WFDC1: variants seen among roughly 807,000 people sequenced by gnomAD.
WFDC1 encodes WAP four-disulfide core domain protein 1.
WFDC1 carries 39 observed loss-of-function variants against 32.9 expected under a neutral mutation model. The observed-to-expected ratio is 1.19, with a 90% CI of 0.92 to 1.55. WFDC1 has a LOEUF of 1.55. Ranked by LOEUF, WFDC1 falls within the 40% of genes most tolerant of loss-of-function variation. The pLI is 0.00. For synonymous variants in WFDC1, 184 were observed against 137.4 expected, an observed-to-expected ratio of 1.34 and a Z score of -2.37; for missense variants, 386 against 309.5, an observed-to-expected ratio of 1.25 and a Z score of -1.85.
At chr16:84,302,441 G>A (rs776414021) in intron 1 of WFDC1, among the ~76,000 whole-genome samples, 8 of 152,094 alleles carry the variant, frequency 5.3e-5, no homozygotes, top group Non-Finnish European at 1.0e-4. Context: ...TTCTGCGATG[G>A]CACATAGAGT....
At chr16:84,329,219 T>G (rs187289373) in intron 6 of WFDC1, 103 bp from the exon 7 acceptor site, 1 of 152,544 alleles carries the variant, frequency 6.6e-6, no homozygotes, top group East Asian at 1.9e-4. Flanking sequence ...GACGAAAGAT[T>G]TGTGACTCTG....
chr16:84,304,076 T>C (rs16963347), intron 1 of WFDC1, among the ~76,000 whole-genome samples: 10,768 of 152,274 alleles, frequency 0.071, 1,200 homozygotes, highest in African/African-American at 0.24. Flanking sequence ...ATCCAGCCTC[T>C]TTTGGTTGCA....
At chr16:84,327,051 G>C (rs768663804) in intron 6 of WFDC1, 96 bp downstream of exon 6, 3 of 1,220,140 alleles carry the variant, frequency 2.5e-6, no homozygotes, top group South Asian at 1.2e-5. Context: ...AGGAGGGTGA[G>C]AGTAGCGCTT....
At chr16:84,327,892 C>T (rs117734826) in intron 6 of WFDC1, 2 of 152,378 alleles carry the variant, frequency 1.3e-5, no homozygotes, top group East Asian at 1.9e-4. Flanking sequence ...CCCACAGAGC[C>T]GCTGCCCTCA....
At chr16:84,318,997 G>A (rs577364244) in intron 3 of WFDC1, 48 of 221,216 alleles carry the variant, frequency 2.2e-4, no homozygotes, top group African/African-American at 1.1e-3. Context: ...AAGCGTGTGT[G>A]TATGTGGGTG....
chr16:84,301,496 T>A (rs941645618), intron 1 of WFDC1, among the ~76,000 whole-genome samples: 7 of 152,124 alleles, frequency 4.6e-5, no homozygotes, highest in Admixed American at 3.3e-4. Flanking sequence ...GCTCACACCC[T>A]GCGGGACTTC....
At chr16:84,303,132 C>G (rs1485583336) in intron 1 of WFDC1, among the ~76,000 whole-genome samples, 2 of 151,270 alleles carry the variant, frequency 1.3e-5, no homozygotes, top group Non-Finnish European at 2.9e-5. Context: ...TGGCATTCAT[C>G]TACGCACGCT....
At chr16:84,298,946 G>A (rs1042036395) in intron 1 of WFDC1, among the ~76,000 whole-genome samples, 3 of 152,166 alleles carry the variant, frequency 2.0e-5, no homozygotes, top group Non-Finnish European at 1.5e-5. Context: ...TCTGCAGCAC[G>A]GGACACAGTA....
At chr16:84,301,343 A>G (rs1047191537) in intron 1 of WFDC1, among the ~76,000 whole-genome samples, 2 of 152,200 alleles carry the variant, frequency 1.3e-5, no homozygotes, top group South Asian at 2.1e-4. Flanking sequence ...GTTGGTTGCA[A>G]CCGGCAACGA....
At position 84,313,051 on chromosome 16, in the gene WFDC1, C is replaced by G. The variant is rs1907735248; in HGVS notation, c.235C>G (p.Gln79Glu). The G allele has an allele frequency of 7.2e-7, 1 of 1,384,704 alleles. No individual in the cohort carries two copies. The highest frequency in any genetic ancestry group is 9.3e-7 in the Non-Finnish European group (1 of 1,070,678). The allele number at this position is 1,384,704 out of a possible 1,614,324, so 85.8% of individuals were successfully genotyped here. ...PPRTLPPGAC[Q>E]AARCQADSEC... ...GCGGACGCTGCCCCCCGGCGCCTGC[C>G]AGGCCGCGCGCTGTCAGGCGGACTC... The change falls in exon 2 of 7, where the codon CAG (glutamine) becomes GAG (glutamate). Residue 79 changes from glutamine to glutamate, a missense_variant. Physicochemically the swap from Gln to Glu is conservative, Grantham distance 29. Coordinates refer to ENST00000219454, the MANE Select transcript of WFDC1 (RefSeq NM_021197.4).
intron 1 of WFDC1, among the ~76,000 whole-genome samples, chr16:84,308,225 C>T (rs1404525007): frequency 6.6e-6 from 1 of 150,898 alleles, no homozygotes; most frequent in Admixed American, 6.6e-5. Flanking sequence ...CCCTGAGGCT[C>T]CCTGGGGGCA....
chr16:84,303,925 G>C (rs1218852464), intron 1 of WFDC1, among the ~76,000 whole-genome samples: 1 of 152,218 alleles, frequency 6.6e-6, no homozygotes, highest in African/African-American at 2.4e-5. Context: ...CATCCAGTAT[G>C]TGCTATTTGG....
intron 1 of WFDC1, among the ~76,000 whole-genome samples, chr16:84,312,051 G>C (rs1449550401): frequency 6.6e-6 from 1 of 152,012 alleles, no homozygotes; most frequent in Non-Finnish European, 1.5e-5. Flanking sequence ...TCTAATCCCA[G>C]CTACTCGGGA....
At chr16:84,307,376 C>A (rs1480509447) in intron 1 of WFDC1, among the ~76,000 whole-genome samples, 1 of 152,188 alleles carries the variant, frequency 6.6e-6, no homozygotes, top group Non-Finnish European at 1.5e-5. Context: ...TTAATCTGGG[C>A]CTCTCAGTGA....
chr16:84,295,266 T>G lies in WFDC1; in HGVS notation c.144+151T>G, dbSNP rs1300298413. On this transcript the variant is annotated intron_variant, in intron 1 of 6. Transcript: ENST00000219454. The stretch of plus-strand genomic sequence containing the variant: ...TTCCTATCCGTGTGTGTCTGAGTTG[T>G]GTGGTGGGCAGATGGGGCTCACCCC... 5.0e-5 allele frequency: 52 copies of G among 1,031,394 alleles called. No individual in the cohort carries two copies. In the East Asian group the frequency reaches 1.4e-3, roughly 28 times the overall value. The allele number at this position is 1,031,394 out of a possible 1,614,324, so 63.9% of individuals were successfully genotyped here.
chr16:84,306,571 G>T (rs1265192345), intron 1 of WFDC1, among the ~76,000 whole-genome samples: 1 of 152,210 alleles, frequency 6.6e-6, no homozygotes, highest in African/African-American at 2.4e-5. Context: ...CATTAAGTGA[G>T]CATAGGAGTG....
chr16:84,319,485 G>T lies in WFDC1; in HGVS notation c.476G>T (p.Gly159Val). The T allele has an allele frequency of 6.2e-7, 1 of 1,612,596 alleles. No individual in the cohort carries two copies. Among genetic ancestry groups the T allele is most frequent in the Non-Finnish European group, 8.5e-7 (1 of 1,179,966 alleles). Reference protein sequence around the residue: ...DGAEPLLCPSGYECHILSPGD... With the variant: ...DGAEPLLCPSVYECHILSPGD... ...GCCGAACCCCTGCTCTGTCCCTCGG[G>T]CTATGAGTGCCACATCCTGAGCCCA... The change falls in exon 4 of 7, where the codon GGC becomes GTC. Residue 159 changes from glycine to valine, a missense_variant. Gly to Val is a moderately radical substitution (Grantham distance 109). Transcript: ENST00000219454.
intron 1 of WFDC1, 159 bp downstream of exon 1, chr16:84,295,274 G>GCCCCATCTGCCCACCA: frequency 5.5e-6 from 5 of 903,452 alleles, no homozygotes; most frequent in African/African-American, 1.7e-5. Context: ...TGTGTGGTGG[G>GCCCCATCTGCCCACCA]CAGATGGGGC....
rs901342697 is a variant in WFDC1, at chr16:84,301,183, C to T, written c.144+6068C>T. On this transcript the variant is annotated intron_variant, in intron 1 of 6. Coordinates refer to ENST00000219454, the MANE Select transcript of WFDC1 (RefSeq NM_021197.4). Reference sequence around the variant, plus strand: ...TTAGAGCCTCCACAAAGGAACCAACCCTGCCAGACACCTGGATCTCAGCCT... The same window carrying T: ...TTAGAGCCTCCACAAAGGAACCAACTCTGCCAGACACCTGGATCTCAGCCT... Among the ~76,000 whole-genome samples, 6 of 152,116 alleles carry T rather than the reference C, an allele frequency of 3.9e-5. No individual in the cohort carries two copies. The South Asian group carries it at 1.0e-3, about 26-fold the overall frequency.
Sources: gnomAD v4.1 joint callset for allele counts (sites outside exome capture counted in the v4.1 genomes callset) on GRCh38, gnomAD v4.1.1 for gene constraint, MANE v1.5 for transcripts, NCBI Gene and HGNC (gene_info 2026-07-23, HGNC 2026-07-21) for gene names.